MAPK14: variants seen among roughly 807,000 people sequenced by gnomAD.
MAPK14 encodes the protein CSAID-binding protein.
Under a neutral mutation model 49.6 loss-of-function variants are expected in MAPK14, and 16 were observed. That is an observed-to-expected ratio of 0.32 (90% CI 0.22 to 0.49). MAPK14 has a LOEUF of 0.49. Ranked by LOEUF, MAPK14 falls within the 20% of genes least tolerant of loss-of-function variation. The pLI is 0.99. For synonymous variants in MAPK14, 142 were observed against 158.0 expected (o/e 0.90, Z 0.76); for missense variants, 200 against 441.2 (o/e 0.45, Z 4.90).
At chr6:36,033,775 A>G (rs1762636011) in intron 1 of MAPK14, among the ~76,000 whole-genome samples, 1 of 152,214 alleles carries the variant, frequency 6.6e-6, no homozygotes, top group South Asian at 2.1e-4. Flanking sequence ...AAGAGTGCAG[A>G]TATTGCTGAG....
intron 8 of MAPK14, among the ~76,000 whole-genome samples, chr6:36,093,753 C>T (rs1275429866): frequency 6.7e-6 from 1 of 148,766 alleles, no homozygotes; most frequent in Non-Finnish European, 1.5e-5. Flanking sequence ...ACAACTGACT[C>T]TCATTGTTAA....
chr6:36,091,939 A>C (rs1305683683), intron 8 of MAPK14: 2 of 234,068 alleles, frequency 8.5e-6, no homozygotes, highest in Non-Finnish European at 1.7e-5. Context: ...GCCTTTGTGA[A>C]GAAGGCCTGG....
chr6:36,101,616 C>A (rs534427627), intron 9 of MAPK14, among the ~76,000 whole-genome samples: 7 of 151,966 alleles, frequency 4.6e-5, no homozygotes, highest in Admixed American at 1.3e-4. Flanking sequence ...CCTGCTCAAG[C>A]GATCCTGTTA....
At position 36,076,625 on chromosome 6, in the gene MAPK14, T is replaced by G. The variant is rs751127696; in HGVS notation, c.682+17T>G. The G allele has an allele frequency of 1.9e-6, 3 of 1,603,422 alleles. No individual in the cohort carries two copies. The highest frequency in any genetic ancestry group is 3.3e-5 in the Admixed American group (2 of 60,006). ...GTACAGACCGTATCCTTTAAAAAGT[T>G]TTGGATTCTTGTTTCTTATCTGTAT... On this transcript the variant is annotated intron_variant, in intron 8 of 11. Transcript: ENST00000229794.
At chr6:36,077,190 CT>C (rs1341007023) in intron 8 of MAPK14, among the ~76,000 whole-genome samples, 1 of 152,130 alleles carries the variant, frequency 6.6e-6, no homozygotes, top group East Asian at 1.9e-4. Flanking sequence ...CCAAGACTTA[CT>C]GTCTAGTTTA....
intron 8 of MAPK14, among the ~76,000 whole-genome samples, chr6:36,080,209 T>C (rs1387442060): frequency 3.9e-5 from 6 of 152,200 alleles, no homozygotes; most frequent in Non-Finnish European, 8.8e-5. Flanking sequence ...AATTGCTAGA[T>C]TACAGGCGCG....
At chr6:36,045,031 G>A (rs1763116934) in intron 1 of MAPK14, among the ~76,000 whole-genome samples, 1 of 152,118 alleles carries the variant, frequency 6.6e-6, no homozygotes, top group South Asian at 2.1e-4. Context: ...TACCCAGGAG[G>A]CTAAGGTTGG....
chr6:36,100,308 G>A (rs1408277829), intron 9 of MAPK14: 3 of 1,418,396 alleles, frequency 2.1e-6, no homozygotes, highest in Admixed American at 3.3e-5. Flanking sequence ...GCACTGAGAA[G>A]CCACATTCTC....
At chr6:36,072,726 C>T (rs1214925352) in intron 3 of MAPK14, 147 bp from the exon 4 acceptor site, 9 of 512,376 alleles carry the variant, frequency 1.8e-5, no homozygotes, top group Admixed American at 1.1e-4. Flanking sequence ...GATTGCGCCA[C>T]TGCACTCCAG....
At chr6:36,098,614 G>A (rs1238729276) in intron 9 of MAPK14, among the ~76,000 whole-genome samples, 2 of 152,274 alleles carry the variant, frequency 1.3e-5, no homozygotes, top group East Asian at 1.9e-4. Context: ...TCCAGAAATA[G>A]AATCTTTCTA....
intron 8 of MAPK14, among the ~76,000 whole-genome samples, chr6:36,084,006 C>G (rs575600714): frequency 1.1e-4 from 16 of 152,300 alleles, no homozygotes; most frequent in Middle Eastern, 3.4e-3. Flanking sequence ...AGGCAGCCAT[C>G]TTTGCTGTTC....
chr6:36,111,836 C>T (rs1197300176), downstream of MAPK14, among the ~76,000 whole-genome samples: 1 of 152,174 alleles, frequency 6.6e-6, no homozygotes, highest in Non-Finnish European at 1.5e-5. Flanking sequence ...AGTCTCCTTT[C>T]CATCCCCAGT....
chr6:36,087,037 G>C (rs1464827967), intron 8 of MAPK14, among the ~76,000 whole-genome samples: 1 of 151,978 alleles, frequency 6.6e-6, no homozygotes, highest in African/African-American at 2.4e-5. Flanking sequence ...AGAACTAAAG[G>C]CAAAAACCAC....
At chr6:36,043,471 G>C in intron 1 of MAPK14, among the ~76,000 whole-genome samples, 1 of 152,192 alleles carries the variant, frequency 6.6e-6, no homozygotes, top group East Asian at 1.9e-4. Flanking sequence ...GCAGGACAGA[G>C]CATCCGCTTC....
chr6:36,076,490 G>GTAA, intron 7 of MAPK14, 47 bp from the exon 8 acceptor site: 1 of 1,369,184 alleles, frequency 7.3e-7, no homozygotes, highest in Non-Finnish European at 1.0e-6. Flanking sequence ...GCCAAGAATT[G>GTAA]TAACAGTGAC....
chr6:36,029,837 A>T (rs1762466537), intron 1 of MAPK14, among the ~76,000 whole-genome samples: 1 of 149,194 alleles, frequency 6.7e-6, no homozygotes, highest in Non-Finnish European at 1.5e-5. Context: ...TTTTACATTC[A>T]GAGAGTGTGT....
At position 36,072,979 on chromosome 6, in the gene MAPK14, C is replaced by A; in HGVS notation, c.412C>A (p.Leu138Ile). ...QFLIYQILRG[L>I]KYIHSADIIH... ...CCTTATCTACCAAATTCTCCGAGGT[C>A]TAAAGGTACAGATAATACAAGTAAT... The change falls in exon 4 of 12, where the codon CTA (leucine) becomes ATA (isoleucine). Residue 138 changes from leucine to isoleucine, a missense_variant. Leu to Ile is a conservative substitution (Grantham distance 5). This residue lies in a region of MAPK14 where 170 missense variants were observed against 407.0 expected (regional missense o/e 0.42). Coordinates refer to ENST00000229794, the MANE Select transcript of MAPK14 (RefSeq NM_139012.3). The A allele has an allele frequency of 6.3e-7, 1 of 1,579,380 alleles. No individual in the cohort carries two copies. Among genetic ancestry groups the A allele is most frequent in the South Asian group, 1.1e-5 (1 of 90,132 alleles).
At chr6:36,052,492 A>G (rs910335793) in intron 1 of MAPK14, among the ~76,000 whole-genome samples, 25 of 152,250 alleles carry the variant, frequency 1.6e-4, no homozygotes, top group African/African-American at 6.0e-4. Context: ...ATTTAGATAC[A>G]TAGAAAAGAC....
chr6:36,036,205 G>A (rs975480287), intron 1 of MAPK14, among the ~76,000 whole-genome samples: 2 of 144,196 alleles, frequency 1.4e-5, no homozygotes, highest in South Asian at 2.2e-4. Context: ...AGTGGCAACC[G>A]AGATCGTGCC....
Sources: gnomAD v4.1 joint callset for allele counts (sites outside exome capture counted in the v4.1 genomes callset) on GRCh38, gnomAD v4.1.1 for gene constraint, gnomAD v4.1.1 regional missense constraint, MANE v1.5 for transcripts, NCBI Gene and HGNC (gene_info 2026-07-23, HGNC 2026-07-21) for gene names.